RP1: variants seen among roughly 807,000 people sequenced by gnomAD.
RP1 encodes RP1 axonemal microtubule associated.
RP1 carries 16 observed loss-of-function variants against 14.8 expected under a neutral mutation model. The ratio of observed to expected loss-of-function variants is 1.08; its 90% confidence interval spans 0.73 to 1.65. RP1 has a LOEUF of 1.65. Among genes scored for constraint, RP1 ranks in the 40% most tolerant of loss-of-function variants. RP1 has a pLI of 0.00. For missense variants in RP1, 2,631 were observed against 2,535.0 expected (o/e 1.04, Z -0.81); for synonymous variants, 876 against 883.6 (o/e 0.99, Z 0.15).
chr8:54,783,811 C>A, intron 24 of RP1: 1 of 779,948 alleles, frequency 1.3e-6, no homozygotes, highest in Non-Finnish European at 1.7e-6. Flanking sequence ...TTTGGTATTG[C>A]ATTTGCATTA....
chr8:54,833,396 C>G (rs1037580731), intron 24 of RP1, among the ~76,000 whole-genome samples: 4 of 151,926 alleles, frequency 2.6e-5, no homozygotes, highest in African/African-American at 9.7e-5. Flanking sequence ...GTTTGTTTTA[C>G]AGCGCCCTCA....
intron 24 of RP1, among the ~76,000 whole-genome samples, chr8:54,827,724 C>T (rs35437743): frequency 0.32 from 47,822 of 151,714 alleles, 7,695 homozygotes; most frequent in South Asian, 0.37. Context: ...ACGGTGAAAC[C>T]CTGTCTCTAC....
intron 24 of RP1, among the ~76,000 whole-genome samples, chr8:54,787,485 A>T (rs1198749078): frequency 6.6e-6 from 1 of 152,040 alleles, no homozygotes; most frequent in Admixed American, 6.6e-5. Context: ...TTTTCTTGTG[A>T]TCCTTCTCAC....
Position 54,764,811 on chromosome 8 carries a change from A to G in RP1, c.3249-4930A>G, listed in dbSNP as rs75292792. ...GGTTTAATTGTATCTTAACCTCACTATGACACATATAAACAAAATTGTCAC... is the reference window on the plus strand; with the variant it reads ...GGTTTAATTGTATCTTAACCTCACTGTGACACATATAAACAAAATTGTCAC... On this transcript the variant is annotated intron_variant, in intron 22 of 22. Coordinates refer to the RP1 transcript ENST00000636932. Among the ~76,000 whole-genome samples the G allele has an allele frequency of 5.9e-3, 892 of 152,296 alleles. 6 individuals are homozygous for G. Among genetic ancestry groups the G allele is most frequent in the African/African-American group, 0.018 (763 of 41,572 alleles).
At chr8:54,790,740 A>T (rs1220722567) in intron 24 of RP1, among the ~76,000 whole-genome samples, 2 of 152,218 alleles carry the variant, frequency 1.3e-5, no homozygotes, top group African/African-American at 2.4e-5. Context: ...TTGACTCAAT[A>T]AAGAAGAAGA....
At chr8:54,808,613 C>T (rs1293707089) in intron 24 of RP1, among the ~76,000 whole-genome samples, 1 of 152,150 alleles carries the variant, frequency 6.6e-6, no homozygotes, top group African/African-American at 2.4e-5. Context: ...AGCAAAGCTC[C>T]CCTTCCTTTC....
Position 54,627,229 on chromosome 8 carries a change from C to T in RP1, c.3347C>T (p.Pro1116Leu), listed in dbSNP as rs761263114. ...ATGCCAGGTTCACTTGCAGGTGTTC[C>T]CTTTCATTCTGCAATATGTAATTCA... ...VQMPGSLAGV[P>L]FHSAICNSST... The change falls in exon 4 of 4, where the codon CCC (proline) becomes CTC (leucine). Residue 1116 changes from proline to leucine, a missense_variant. Pro to Leu is a moderately conservative substitution (Grantham distance 98). Transcript: ENST00000220676. The T allele has an allele frequency of 5.0e-6, 8 of 1,613,924 alleles. No homozygotes were observed. The African/African-American group carries it at 5.3e-5, about 11-fold the overall frequency.
intron 1 of RP1, among the ~76,000 whole-genome samples, chr8:54,608,330 G>A (rs1205155501): frequency 2.0e-5 from 3 of 151,914 alleles, no homozygotes; most frequent in Non-Finnish European, 4.4e-5. Context: ...TTTATGGCAT[G>A]GAAATCATGT....
intron 8 of RP1, among the ~76,000 whole-genome samples, chr8:54,677,558 T>G (rs1807320530): frequency 6.6e-6 from 1 of 152,034 alleles, no homozygotes; most frequent in African/African-American, 2.4e-5. Context: ...AGACCCCATC[T>G]CTACAAAAAT....
intron 3 of RP1, among the ~76,000 whole-genome samples, chr8:54,637,427 T>C (rs1806372247): frequency 6.6e-6 from 1 of 152,218 alleles, no homozygotes; most frequent in Admixed American, 6.5e-5. Context: ...TGGTGAACTC[T>C]TCCATTTGCA....
rs748112008 is a variant in RP1 at position 54,629,959 on chromosome 8, C to G, written c.6077C>G (p.Pro2026Arg). The change falls in exon 4 of 4, where the codon CCA becomes CGA. Residue 2026 changes from proline to arginine, a missense_variant. By Grantham distance (103) the Pro-to-Arg change is moderately radical (BLOSUM62 -2). Transcript: ENST00000220676. ...GAAGGTAATTTAAAGAAATTTCAAC[C>G]AGATTTGAAGGAAAGGTTTTGTATG... The part of the protein sequence containing the change: ...EEEGNLKKFQ[P>R]DLKERFCMNF... 6.2e-7 allele frequency: 1 copy of G among 1,613,814 alleles called. No individual in the cohort carries two copies. Among genetic ancestry groups the G allele is most frequent in the African/African-American group, 1.3e-5 (1 of 74,910 alleles).
At chr8:54,635,577 G>A (rs1806331033), downstream of RP1, among the ~76,000 whole-genome samples, 1 of 152,076 alleles carries the variant, frequency 6.6e-6, no homozygotes, top group Non-Finnish European at 1.5e-5. Context: ...TTTATTTAAT[G>A]TAGTTGCTGC....
chr8:54,830,975 C>T (rs185777823), intron 24 of RP1, among the ~76,000 whole-genome samples: 1 of 152,032 alleles, frequency 6.6e-6, no homozygotes, highest in African/African-American at 2.4e-5. Context: ...TTTTATTTGA[C>T]TTGTTTCCCT....
chr8:54,564,628 G>A (rs1804360237), intron 1 of RP1, among the ~76,000 whole-genome samples: 1 of 152,206 alleles, frequency 6.6e-6, no homozygotes, highest in Non-Finnish European at 1.5e-5. Flanking sequence ...GAGAGGCTGT[G>A]CTTTGGGGTT....
intron 17 of RP1, among the ~76,000 whole-genome samples, chr8:54,729,499 T>A (rs1808739592): frequency 6.6e-6 from 1 of 152,186 alleles, no homozygotes; most frequent in South Asian, 2.1e-4. Flanking sequence ...TGAAAAATCT[T>A]GGGTAGTCAT....
intron 1 of RP1, among the ~76,000 whole-genome samples, chr8:54,578,585 A>G (rs564194632): frequency 6.6e-6 from 1 of 152,244 alleles, no homozygotes; most frequent in East Asian, 1.9e-4. Context: ...GCTATATTTC[A>G]TTTCTTTTGC....
chr8:54,674,951 A>G (rs1474089166), intron 8 of RP1, among the ~76,000 whole-genome samples: 1 of 152,208 alleles, frequency 6.6e-6, no homozygotes, highest in Non-Finnish European at 1.5e-5. Flanking sequence ...TTACACTCCC[A>G]CAGTGAGGCA....
chr8:54,626,121 A>G lies in RP1; in HGVS notation c.2239A>G (p.Ser747Gly), dbSNP rs1806038181. 1 of 1,613,266 alleles carries G rather than the reference A, an allele frequency of 6.2e-7. No individual in the cohort carries two copies. The highest frequency in any genetic ancestry group is 1.7e-4 in the Middle Eastern group (1 of 6,014). The change falls in exon 4 of 4, where the codon AGT becomes GGT. Residue 747 changes from serine to glycine, a missense_variant. Ser to Gly is a moderately conservative substitution (Grantham distance 56). Coordinates refer to ENST00000220676, the MANE Select transcript of RP1 (RefSeq NM_006269.2). ...VIESNTFCSK[S>G]NLNSTISKNF... ...TGAATCAAATACTTTTTGTTCCAAA[A>G]GTAATCTCAATTCCACGATTTCCAA...
rs1806035873 is a variant in RP1, at chr8:54,626,056, T to C, written c.2174T>C (p.Ile725Thr). ...QDSDSPLKGGILCEEDLQKSD... is the reference protein window; with the variant it reads ...QDSDSPLKGGTLCEEDLQKSD... ...TCAGATAGTCCCCTTAAAGGAGGGA[T>C]ACTTTGTGAGGAAGACCTCCAGAAA... Residue 725 changes from isoleucine to threonine, a missense_variant, in exon 4 of 4, where the codon ATA becomes ACA. Transcript: ENST00000220676. The C allele has an allele frequency of 7.4e-6, 12 of 1,613,746 alleles. No individual in the cohort carries two copies. Among genetic ancestry groups the C allele is most frequent in the Non-Finnish European group, 1.0e-5 (12 of 1,179,872 alleles).
Sources: allele counts gnomAD v4.1 joint callset (sites outside exome capture counted in the v4.1 genomes callset), GRCh38; gene constraint gnomAD v4.1.1; transcripts MANE v1.5; gene names NCBI Gene and HGNC (gene_info 2026-07-23, HGNC 2026-07-21).